Variants in TSHZ2 observed in about 807,000 individuals in gnomAD.
TSHZ2 encodes the protein teashirt zinc finger homeobox 2.
TSHZ2 carries 21 observed loss-of-function variants against 74.4 expected under a neutral mutation model. That is an observed-to-expected ratio of 0.28 (90% CI 0.20 to 0.41). The LOEUF (loss-of-function observed/expected upper bound fraction) is 0.41, where lower values mean the gene tolerates loss of function less well. Ranked by LOEUF, TSHZ2 falls within the 10% of genes least tolerant of loss-of-function variation. The probability of loss-of-function intolerance (pLI) is 1.00; values close to 1 mark genes in which losing one functional copy is unlikely to be tolerated. For missense variants in TSHZ2, 1,244 were observed against 1,293.5 expected (o/e 0.96, Z 0.59); for synonymous variants, 540 against 515.3 (o/e 1.05, Z -0.65).
intron 1 of TSHZ2, among the ~76,000 whole-genome samples, chr20:53,240,047 G>T (rs1990029729): frequency 6.6e-6 from 1 of 152,118 alleles, no homozygotes; most frequent in African/African-American, 2.4e-5. Context: ...TTTGATCAAG[G>T]TTGAAATTTT....
At chr20:53,345,885 AG>A (rs1980419801) in intron 2 of TSHZ2, among the ~76,000 whole-genome samples, 1 of 152,002 alleles carries the variant, frequency 6.6e-6, no homozygotes, top group Non-Finnish European at 1.5e-5. Context: ...GCTGACCACG[AG>A]GCACCGGCAG....
intron 1 of TSHZ2, among the ~76,000 whole-genome samples, chr20:53,121,684 G>A (rs769072676): frequency 3.9e-5 from 6 of 152,138 alleles, no homozygotes; most frequent in Non-Finnish European, 8.8e-5. Context: ...AGTTGATAAT[G>A]TTTTTAAAAG....
At chr20:53,065,584 A>T (rs1984956221) in intron 1 of TSHZ2, among the ~76,000 whole-genome samples, 1 of 152,204 alleles carries the variant, frequency 6.6e-6, no homozygotes, top group Non-Finnish European at 1.5e-5. Context: ...GGACCCAGGC[A>T]GATCGTAAAT....
In TSHZ2 at chr20:53,047,895, T is replaced by G. The variant is rs188813226; in HGVS notation, c.40+74562T>G. Among the ~76,000 whole-genome samples, 108 of 152,316 alleles carry G rather than the reference T, an allele frequency of 7.1e-4. 3 individuals are homozygous for G. In the South Asian group the frequency reaches 0.017, roughly 24 times the overall value. ...GTGCTAAACATACATAGATTTTCGC[T>G]GACTCTGAAAACAGCCCTGCAAGGT... On this transcript the variant is annotated intron_variant, in intron 1 of 2. Transcript: ENST00000371497.
intron 2 of TSHZ2, among the ~76,000 whole-genome samples, chr20:53,340,251 C>T (rs1478345159): frequency 2.3e-5 from 3 of 127,928 alleles, no homozygotes; most frequent in Non-Finnish European, 4.7e-5. Context: ...GGCACAATCT[C>T]GGCTCACTGC....
chr20:53,000,555 T>C (rs974143063), intron 1 of TSHZ2, among the ~76,000 whole-genome samples: 4 of 152,188 alleles, frequency 2.6e-5, no homozygotes, highest in Non-Finnish European at 4.4e-5. Context: ...AAAAAATGAA[T>C]CTTTTTGAAA....
At chr20:53,358,163 T>C (rs1017112320) in intron 2 of TSHZ2, among the ~76,000 whole-genome samples, 7 of 152,036 alleles carry the variant, frequency 4.6e-5, no homozygotes, top group Non-Finnish European at 1.0e-4. Flanking sequence ...ATTTGCCACC[T>C]AACATCCTTG....
intron 1 of TSHZ2, among the ~76,000 whole-genome samples, chr20:52,978,096 A>G (rs748964203): frequency 3.3e-5 from 5 of 152,164 alleles, no homozygotes; most frequent in Non-Finnish European, 5.9e-5. Flanking sequence ...ACGGACGTTT[A>G]TGCTTTCATT....
intron 1 of TSHZ2, among the ~76,000 whole-genome samples, chr20:52,993,285 T>A (rs1017610078): frequency 2.0e-5 from 3 of 152,202 alleles, no homozygotes; most frequent in Admixed American, 1.3e-4. Context: ...CCGGGCAACA[T>A]AACATTCTAG....
chr20:53,485,602 G>A (rs551269404), intron 2 of TSHZ2, among the ~76,000 whole-genome samples: 2 of 152,148 alleles, frequency 1.3e-5, no homozygotes, highest in Admixed American at 6.5e-5. Context: ...CCAGCTACTC[G>A]GGAGGCTGAA....
At chr20:53,314,116 C>T (rs562293162) in intron 2 of TSHZ2, among the ~76,000 whole-genome samples, 1 of 151,980 alleles carries the variant, frequency 6.6e-6, no homozygotes, top group South Asian at 2.1e-4. Context: ...GGTGAAACCC[C>T]ATCTCTACTA....
At position 53,142,152 on chromosome 20, in the gene TSHZ2, G is replaced by C. The variant is rs969049521; in HGVS notation, c.41-111347G>C. Among the ~76,000 whole-genome samples, 4 of 152,222 alleles carry C rather than the reference G, an allele frequency of 2.6e-5. No homozygotes were observed. The South Asian group carries it at 8.3e-4, about 31-fold the overall frequency. On this transcript the variant is annotated intron_variant, in intron 1 of 2. Coordinates refer to ENST00000371497, the MANE Select transcript of TSHZ2 (RefSeq NM_173485.6). ...ATGACTTAAGGAAAGAGATAAAGGAGAAGAAAGATAGTTAACTGGCTCATG... is the reference window on the plus strand; with the variant it reads ...ATGACTTAAGGAAAGAGATAAAGGACAAGAAAGATAGTTAACTGGCTCATG...
chr20:53,428,011 C>A (rs993388213), intron 2 of TSHZ2, among the ~76,000 whole-genome samples: 4 of 152,224 alleles, frequency 2.6e-5, no homozygotes, highest in Non-Finnish European at 5.9e-5. Flanking sequence ...ATTTGGCACA[C>A]TCTGGACTCT....
In TSHZ2 at chr20:53,255,162, G is replaced by A; in HGVS notation, c.1704G>A (p.Arg568=). The A allele has an allele frequency of 2.5e-6, 4 of 1,614,160 alleles. No individual in the cohort carries two copies. The highest frequency in any genetic ancestry group is 3.4e-6 in the Non-Finnish European group (4 of 1,180,040). Residue 568 remains arginine, a synonymous_variant, in exon 2 of 3, where the codon CGG becomes CGA. Coordinates refer to ENST00000371497, the MANE Select transcript of TSHZ2 (RefSeq NM_173485.6). This position sits in a 1 kb window ranked among gnomAD's most constrained non-coding sequence, Gnocchi z 4.1. The stretch of plus-strand genomic sequence containing the variant: ...TGGGATCCCAGGTACTGCAGATCCG[G>A]CCTAATCTCACCAACAAGCTGAGGC... ...LPMGSQVLQI[R]PNLTNKLRPI...
intron 1 of TSHZ2, among the ~76,000 whole-genome samples, chr20:53,119,518 A>G (rs1986755255): frequency 6.6e-6 from 1 of 152,208 alleles, no homozygotes; most frequent in Non-Finnish European, 1.5e-5. Flanking sequence ...CCAGCATGGT[A>G]ACGATGAACA....
chr20:53,033,914 C>T (rs533402831), intron 1 of TSHZ2, among the ~76,000 whole-genome samples: 17 of 152,130 alleles, frequency 1.1e-4, no homozygotes, highest in African/African-American at 4.1e-4. Context: ...CCCACCTTGG[C>T]CTCCTAAAGT....
At chr20:53,250,841 A>G (rs968474194) in intron 1 of TSHZ2, among the ~76,000 whole-genome samples, 12 of 151,968 alleles carry the variant, frequency 7.9e-5, no homozygotes, top group Non-Finnish European at 1.8e-4. Context: ...GTGGGAAAAA[A>G]AAAAAAAAAA....
intron 1 of TSHZ2, among the ~76,000 whole-genome samples, chr20:53,162,546 T>C (rs1277846509): frequency 6.6e-6 from 1 of 152,174 alleles, no homozygotes; most frequent in African/African-American, 2.4e-5. Flanking sequence ...CATCAAAAAA[T>C]TACGTCAAGT....
intron 2 of TSHZ2, among the ~76,000 whole-genome samples, chr20:53,302,912 G>T (rs974614186): frequency 6.6e-6 from 1 of 152,132 alleles, no homozygotes; most frequent in Admixed American, 6.5e-5. Context: ...CACCCTCCAC[G>T]GCCAAGGTGG....
Sources: gnomAD v4.1 joint callset for allele counts (sites outside exome capture counted in the v4.1 genomes callset) on GRCh38, gnomAD v4.1.1 for gene constraint, Gnocchi (gnomAD v3.1) non-coding constraint, MANE v1.5 for transcripts, NCBI Gene and HGNC (gene_info 2026-07-23, HGNC 2026-07-21) for gene names.